Variants in FLI1 observed in about 807,000 individuals in gnomAD.
FLI1 encodes the protein Fli-1 proto-oncogene, ETS transcription factor.
In FLI1, 13 loss-of-function variants were observed where a neutral mutation model predicts 53.1. The observed-to-expected ratio is 0.24, with a 90% confidence interval of 0.16 to 0.39. The LOEUF (loss-of-function observed/expected upper bound fraction) is 0.39. Among genes scored for constraint, FLI1 ranks in the 10% least tolerant of loss-of-function variants. The pLI is 1.00. For missense variants in FLI1, 424 were observed against 600.5 expected (o/e 0.71, Z 3.07); for synonymous variants, 244 against 236.7 (o/e 1.03, Z -0.28).
chr11:128,742,425 G>A (rs1055062944), intron 1 of FLI1, among the ~76,000 whole-genome samples: 1 of 152,220 alleles, frequency 6.6e-6, no homozygotes, highest in South Asian at 2.1e-4. Flanking sequence ...TGTGAGACAA[G>A]ACATGTTAAA....
At chr11:128,721,880 G>T (rs934165842) in intron 1 of FLI1, among the ~76,000 whole-genome samples, 4 of 152,162 alleles carry the variant, frequency 2.6e-5, no homozygotes, top group African/African-American at 9.7e-5. Flanking sequence ...AGTGACTCAG[G>T]CCAGGTATTA....
chr11:128,714,220 A>C (rs1938910514), intron 1 of FLI1, among the ~76,000 whole-genome samples: 1 of 151,970 alleles, frequency 6.6e-6, no homozygotes, highest in Non-Finnish European at 1.5e-5. Flanking sequence ...AAAAAAAAAA[A>C]AAAAAACGGC....
upstream of FLI1, among the ~76,000 whole-genome samples, chr11:128,685,791 A>C (rs1865791188): frequency 6.6e-6 from 1 of 151,162 alleles, no homozygotes; most frequent in African/African-American, 2.4e-5. Flanking sequence ...TGGCTGCCAG[A>C]GAAGCTGTGA....
chr11:128,790,095 T>TGTGC (rs60797049), intron 5 of FLI1, among the ~76,000 whole-genome samples: 5 of 150,614 alleles, frequency 3.3e-5, no homozygotes, highest in African/African-American at 1.2e-4. Context: ...TGTGTGTGTG[T>TGTGC]GCACGCGTGC....
chr11:128,763,799 A>G (rs1941221254), intron 2 of FLI1, among the ~76,000 whole-genome samples: 1 of 152,252 alleles, frequency 6.6e-6, no homozygotes, highest in South Asian at 2.1e-4. Flanking sequence ...TCTACTGTGT[A>G]TGGGGATGAA....
At chr11:128,685,221 G>A (rs1238601360), upstream of FLI1, among the ~76,000 whole-genome samples, 1 of 152,198 alleles carries the variant, frequency 6.6e-6, no homozygotes. Flanking sequence ...CTAGAGAGAG[G>A]CAAACTTTGA....
intron 5 of FLI1, among the ~76,000 whole-genome samples, chr11:128,789,653 G>A (rs1280141855): frequency 1.3e-5 from 2 of 152,212 alleles, no homozygotes; most frequent in Non-Finnish European, 2.9e-5. Flanking sequence ...TGCGCTCCCG[G>A]GTGCAGTACT....
At chr11:128,716,851 C>G (rs1409959507) in intron 1 of FLI1, among the ~76,000 whole-genome samples, 1 of 152,132 alleles carries the variant, frequency 6.6e-6, no homozygotes, top group Non-Finnish European at 1.5e-5. Flanking sequence ...TGGGCAGGAT[C>G]TTGAATCTAA....
chr11:128,775,471 A>C (rs1941701749), intron 4 of FLI1, among the ~76,000 whole-genome samples: 1 of 151,998 alleles, frequency 6.6e-6, no homozygotes, highest in South Asian at 2.1e-4. Flanking sequence ...GCTGCTTTTT[A>C]ATTGGTGTCT....
intron 1 of FLI1, among the ~76,000 whole-genome samples, chr11:128,747,785 G>A (rs1005964940): frequency 1.3e-5 from 2 of 152,202 alleles, no homozygotes; most frequent in African/African-American, 4.8e-5. Context: ...AAAAGCCACT[G>A]GACAGTGGAC....
rs1171660962 is a variant in FLI1, at chr11:128,768,426, A to T, written c.385+154A>T. On this transcript the variant is annotated intron_variant, in intron 3 of 8. Transcript: ENST00000527786. Reference sequence around the variant, plus strand: ...GCCGGGAGTGGTGGCTCGCGCCTGTAATCCCAGCACTTTGAGAGGCCAAGA... The same window carrying T: ...GCCGGGAGTGGTGGCTCGCGCCTGTTATCCCAGCACTTTGAGAGGCCAAGA... 3 of 855,612 alleles carry T rather than the reference A, an allele frequency of 3.5e-6. No homozygotes were observed. In the South Asian group the frequency reaches 4.7e-5, roughly 13 times the overall value. The allele number at this position is 855,612 out of a possible 1,614,324, so 53.0% of individuals were successfully genotyped here. A position where few individuals can be genotyped will look rare whatever the true frequency, so the allele number is the denominator to read the frequency against.
chr11:128,722,338 G>A (rs967298955), intron 1 of FLI1, among the ~76,000 whole-genome samples: 13 of 152,176 alleles, frequency 8.5e-5, no homozygotes, highest in African/African-American at 9.7e-5. Flanking sequence ...GATGCTTCTC[G>A]GAGAAGGGAG....
chr11:128,787,727 A>G (rs576045905), intron 5 of FLI1, among the ~76,000 whole-genome samples: 76 of 152,316 alleles, frequency 5.0e-4, no homozygotes, highest in African/African-American at 1.8e-3. Context: ...AAGTTATAAT[A>G]AGGATAGTAA....
At chr11:128,789,798 A>G (rs1009638960) in intron 5 of FLI1, among the ~76,000 whole-genome samples, 1 of 151,962 alleles carries the variant, frequency 6.6e-6, no homozygotes, top group African/African-American at 2.4e-5. Flanking sequence ...GAACATGTGT[A>G]CCCAAAGGAA....
chr11:128,772,636 T>A, intron 3 of FLI1, 146 bp from the exon 4 acceptor site: 4 of 692,890 alleles, frequency 5.8e-6, no homozygotes, highest in Non-Finnish European at 1.0e-5. Context: ...CTGATGAGTG[T>A]TCTAGGGGAA....
At chr11:128,697,595 C>T (rs545506358) in intron 1 of FLI1, among the ~76,000 whole-genome samples, 1 of 152,298 alleles carries the variant, frequency 6.6e-6, no homozygotes, top group East Asian at 1.9e-4. Context: ...GAAAATGGGG[C>T]CAAAGCACCT....
chr11:128,771,516 C>A lies in FLI1; in HGVS notation c.386-1266C>A, dbSNP rs1255832164. On this transcript the variant is annotated intron_variant, in intron 3 of 8. Transcript: ENST00000527786. ...TGTGAAGCGTGAGCCTTGCTTCTTG[C>A]CCCACATCCACTCCTAGTCATTCAA... Among the ~76,000 whole-genome samples the A allele has an allele frequency of 2.0e-5, 3 of 152,224 alleles. No individual in the cohort carries two copies. The East Asian group carries it at 5.8e-4, about 29-fold the overall frequency.
intron 1 of FLI1, chr11:128,686,970 C>G (rs1274163464): frequency 1.3e-5 from 2 of 158,422 alleles, no homozygotes; most frequent in South Asian, 3.4e-4. Context: ...GCAGGAAGAC[C>G]GAGCAGCTCG....
chr11:128,723,802 T>C (rs1939354828), intron 1 of FLI1, among the ~76,000 whole-genome samples: 1 of 152,040 alleles, frequency 6.6e-6, no homozygotes, highest in African/African-American at 2.4e-5. Flanking sequence ...ACACTCACAC[T>C]AAAAACAAGT....
Sources: gnomAD v4.1 joint callset for allele counts (sites outside exome capture counted in the v4.1 genomes callset) on GRCh38, gnomAD v4.1.1 for gene constraint, MANE v1.5 for transcripts, NCBI Gene and HGNC (gene_info 2026-07-23, HGNC 2026-07-21) for gene names.